Variants in ADGRL3 observed in about 807,000 individuals in gnomAD.
The protein encoded by ADGRL3 is adhesion G protein-coupled receptor L3.
ADGRL3 carries 62 observed loss-of-function variants against 153.5 expected under a neutral mutation model. The ratio of observed to expected loss-of-function variants is 0.40; its 90% CI spans 0.33 to 0.50. ADGRL3 has a LOEUF of 0.50. Among genes scored for constraint, ADGRL3 ranks in the 20% least tolerant of loss-of-function variants. The pLI is 0.47. For synonymous variants in ADGRL3, 710 were observed against 672.5 expected (o/e 1.06, Z -0.86); for missense variants, 1,641 against 1,859.4 (o/e 0.88, Z 2.16).
intron 4 of ADGRL3, among the ~76,000 whole-genome samples, chr4:61,527,650 G>A (rs1323725769): frequency 1.3e-5 from 2 of 152,118 alleles, no homozygotes; most frequent in Non-Finnish European, 2.9e-5. Context: ...GGGAATTTTT[G>A]TAAGATGTTG....
chr4:61,740,859 G>A (rs2096573071), intron 8 of ADGRL3, among the ~76,000 whole-genome samples: 1 of 152,160 alleles, frequency 6.6e-6, no homozygotes, highest in Non-Finnish European at 1.5e-5. Flanking sequence ...AGCCGTTTGA[G>A]ATTATGTAAA....
intron 8 of ADGRL3, among the ~76,000 whole-genome samples, chr4:61,804,963 A>ATTTTTT (rs370949071): frequency 0.019 from 2,727 of 143,794 alleles, 44 homozygotes; most frequent in Middle Eastern, 0.047. Context: ...TTATTTATTT[A>ATTTTTT]TTTTTTTTTT....
chr4:61,579,804 C>T (rs1560876382), intron 4 of ADGRL3, among the ~76,000 whole-genome samples: 2 of 152,098 alleles, frequency 1.3e-5, no homozygotes, highest in East Asian at 1.9e-4. Context: ...TGCTAAAATG[C>T]CATTTCAATT....
chr4:61,409,235 A>G (rs1232416052), intron 2 of ADGRL3, among the ~76,000 whole-genome samples: 4 of 144,116 alleles, frequency 2.8e-5, no homozygotes, highest in Non-Finnish European at 4.5e-5. Context: ...TATTATATAT[A>G]TTAGACATAC....
chr4:61,760,130 G>T (rs1418269694), intron 8 of ADGRL3, among the ~76,000 whole-genome samples: 1 of 152,192 alleles, frequency 6.6e-6, no homozygotes, highest in Non-Finnish European at 1.5e-5. Context: ...GAGGCAGTCT[G>T]TCTGTTCTCA....
intron 2 of ADGRL3, among the ~76,000 whole-genome samples, chr4:61,389,424 C>T (rs1248606080): frequency 1.3e-5 from 2 of 151,974 alleles, no homozygotes; most frequent in Non-Finnish European, 2.9e-5. Context: ...CTTTTATACA[C>T]TTTTTATACA....
intron 21 of ADGRL3, among the ~76,000 whole-genome samples, chr4:62,005,967 TAC>T (rs59783179): frequency 0.053 from 3,557 of 67,340 alleles, 82 homozygotes; most frequent in Middle Eastern, 0.12. Context: ...TATATACACA[TAC>T]ACACACACAC....
intron 2 of ADGRL3, among the ~76,000 whole-genome samples, chr4:61,437,834 C>T (rs2097470346): frequency 6.6e-6 from 1 of 152,086 alleles, no homozygotes; most frequent in African/African-American, 2.4e-5. Context: ...TGGAATTCTG[C>T]TCGTCCTCCT....
chr4:61,654,036 T>A (rs575191351), intron 5 of ADGRL3, among the ~76,000 whole-genome samples: 9 of 152,336 alleles, frequency 5.9e-5, no homozygotes, highest in South Asian at 2.1e-4. Context: ...TGACATTTTT[T>A]AAGATATTTT....
Position 61,203,915 on chromosome 4 carries a change from C to CTTT in ADGRL3, c.-240+2159_-240+2161dup, listed in dbSNP as rs10687667. Among the ~76,000 whole-genome samples the CTTT allele has an allele frequency of 1.9e-3, 278 of 149,798 alleles. 1 individual carries two copies. Among genetic ancestry groups the CTTT allele is most frequent in the East Asian group, 9.4e-3 (48 of 5,100 alleles). ...ATCTCTCAGCTTTGTTTCACCCAAT[C>CTTT]TTTTTTTTTTTGTAACCAAAGCAAG... On this transcript the variant is annotated intron_variant, in intron 1 of 26. Coordinates refer to ENST00000683033, the MANE Select transcript of ADGRL3 (RefSeq NM_001387552.1).
In ADGRL3 at chr4:61,599,772, C is replaced by A. The variant is rs962548101; in HGVS notation, c.473+12332C>A. Among the ~76,000 whole-genome samples, 7 of 152,220 alleles carry A rather than the reference C, an allele frequency of 4.6e-5. 1 individual carries two copies. The highest frequency in any genetic ancestry group is 4.8e-5 in the African/African-American group (2 of 41,550). On this transcript the variant is annotated intron_variant, in intron 5 of 26. Coordinates refer to ENST00000683033, the MANE Select transcript of ADGRL3 (RefSeq NM_001387552.1). ...GCCTCCAGCATGAATGGGACTGAGA[C>A]AAGAGAACAGGAGAAGGTCAGAGAA...
chr4:62,046,082 T>C (rs10222977), intron 25 of ADGRL3, among the ~76,000 whole-genome samples: 3,986 of 151,984 alleles, frequency 0.026, 184 homozygotes, highest in African/African-American at 0.092. Context: ...ATTTTCTGTA[T>C]TCTTTAAACA....
At chr4:61,875,890 A>G (rs1001977793) in intron 9 of ADGRL3, among the ~76,000 whole-genome samples, 4 of 152,296 alleles carry the variant, frequency 2.6e-5, no homozygotes, top group Admixed American at 6.5e-5. Flanking sequence ...TCTGTTTTAC[A>G]TAAATTGAAC....
intron 13 of ADGRL3, among the ~76,000 whole-genome samples, chr4:61,933,028 T>A (rs2061701712): frequency 6.6e-6 from 1 of 151,958 alleles, no homozygotes; most frequent in South Asian, 2.1e-4. Context: ...AAATATATTA[T>A]CCCCAATAAA....
chr4:61,768,942 G>A lies in ADGRL3; in HGVS notation c.1399+35388G>A, dbSNP rs377047512. On this transcript the variant is annotated intron_variant, in intron 8 of 26. Transcript: ENST00000683033. ...ATAAGAGGTTGGGGTGTGGAAATACGCGATTGGGGCACAGAGATAAGAGGT... is the reference window on the plus strand; with the variant it reads ...ATAAGAGGTTGGGGTGTGGAAATACACGATTGGGGCACAGAGATAAGAGGT... Among the ~76,000 whole-genome samples the A allele has an allele frequency of 2.4e-4, 36 of 151,910 alleles. 2 individuals carry two copies. The South Asian group carries it at 5.8e-3, about 25-fold the overall frequency.
At chr4:61,860,960 C>A (rs1266290587) in intron 9 of ADGRL3, among the ~76,000 whole-genome samples, 1 of 152,186 alleles carries the variant, frequency 6.6e-6, no homozygotes, top group Non-Finnish European at 1.5e-5. Flanking sequence ...CTAAGCCACA[C>A]TGCCAAATAT....
In ADGRL3 at chr4:61,532,553, C is replaced by CGTGTGTGT. The variant is rs1344839723; in HGVS notation, c.259+15036_259+15037insTGTGTGTG. Among the ~76,000 whole-genome samples the CGTGTGTGT allele has an allele frequency of 5.0e-3, 664 of 131,508 alleles. 5 individuals are homozygous for CGTGTGTGT. Among genetic ancestry groups the CGTGTGTGT allele is most frequent in the East Asian group, 7.6e-3 (30 of 3,932 alleles). 86.3% of individuals were successfully genotyped at this position (131,508 alleles called of 152,430 possible). ...GCATGCGCGCGCGCGCGCGCGCGCG[C>CGTGTGTGT]GCGTGTGTGTGTGTGTGTGTGTTTA... On this transcript the variant is annotated intron_variant, in intron 4 of 26. Transcript: ENST00000683033.
At chr4:61,278,477 A>G (rs2093582690) in intron 1 of ADGRL3, among the ~76,000 whole-genome samples, 1 of 152,114 alleles carries the variant, frequency 6.6e-6, no homozygotes, top group South Asian at 2.1e-4. Flanking sequence ...ATATCTTAGC[A>G]AACATTGCAG....
At chr4:61,221,152 C>G (rs1269291851) in intron 1 of ADGRL3, among the ~76,000 whole-genome samples, 4 of 152,098 alleles carry the variant, frequency 2.6e-5, no homozygotes, top group Admixed American at 1.3e-4. Context: ...TTCTCTCATG[C>G]TGAATATAAT....
Sources: allele counts gnomAD v4.1 joint callset (sites outside exome capture counted in the v4.1 genomes callset), GRCh38; gene constraint gnomAD v4.1.1; transcripts MANE v1.5; gene names NCBI Gene and HGNC (gene_info 2026-07-23, HGNC 2026-07-21).